The following CPNE4 variants were observed in gnomAD, a reference collection of about 807,000 sequenced individuals.
CPNE4 encodes the protein copine-4.
A neutral mutation model predicts 67.9 loss-of-function variants in CPNE4; 25 were observed. That is an observed-to-expected ratio of 0.37 (90% CI 0.27 to 0.51). The LOEUF is 0.51. CPNE4 is among the 20% of genes least tolerant of loss of function. CPNE4 has a pLI of 0.93. For synonymous variants in CPNE4, 242 were observed against 244.9 expected (o/e 0.99, Z 0.11); for missense variants, 464 against 690.8 (o/e 0.67, Z 3.68).
intron 11 of CPNE4, among the ~76,000 whole-genome samples, chr3:131,562,040 C>T (rs1361732029): frequency 6.6e-6 from 1 of 151,950 alleles, no homozygotes; most frequent in Non-Finnish European, 1.5e-5. Context: ...ATTTGATTTT[C>T]TTGGTCAGTT....
chr3:131,915,025 T>C (rs2089133310), intron 1 of CPNE4, among the ~76,000 whole-genome samples: 1 of 152,122 alleles, frequency 6.6e-6, no homozygotes, highest in South Asian at 2.1e-4. Context: ...CTACTAATAT[T>C]AACTACAGTA....
intron 7 of CPNE4, among the ~76,000 whole-genome samples, chr3:131,660,361 T>C (rs1354017614): frequency 6.6e-6 from 1 of 151,996 alleles, no homozygotes; most frequent in Non-Finnish European, 1.5e-5. Context: ...ATTAGCATCA[T>C]AGGCTTGACA....
At chr3:131,908,067 C>G (rs1417118941) in intron 1 of CPNE4, among the ~76,000 whole-genome samples, 1 of 152,056 alleles carries the variant, frequency 6.6e-6, no homozygotes, top group East Asian at 1.9e-4. Flanking sequence ...TATCAGCCAG[C>G]CCAAAGCTAT....
intron 2 of CPNE4, among the ~76,000 whole-genome samples, chr3:131,878,101 C>T (rs1347219675): frequency 6.6e-6 from 1 of 152,188 alleles, no homozygotes; most frequent in Non-Finnish European, 1.5e-5. Context: ...AACATAGTCT[C>T]GCCTATCACA....
rs79127364 is a variant in CPNE4 at position 131,999,241 on chromosome 3, TAA to T, written c.-2+35324_-2+35325del. Among the ~76,000 whole-genome samples, 482 of 98,802 alleles carry T rather than the reference TAA, an allele frequency of 4.9e-3. 15 individuals carry two copies. The highest frequency in any genetic ancestry group is 0.019 in the African/African-American group (351 of 18,678). 64.8% of individuals were successfully genotyped at this position (98,802 alleles called of 152,430 possible). On this transcript the variant is annotated intron_variant, in intron 1 of 15. Transcript: ENST00000429747. ...CTCAATTATAGGTATTTATCCAAGG[TAA>T]AAAAAAAAAAAAAAAAAAAAAGATA...
At chr3:131,981,839 C>G (rs2072916951) in intron 1 of CPNE4, among the ~76,000 whole-genome samples, 1 of 152,196 alleles carries the variant, frequency 6.6e-6, no homozygotes, top group African/African-American at 2.4e-5. Context: ...ACTTCTCCCA[C>G]AAACAGACCT....
intron 5 of CPNE4, among the ~76,000 whole-genome samples, chr3:131,693,254 C>T (rs2081070851): frequency 6.6e-6 from 1 of 152,038 alleles, no homozygotes. Flanking sequence ...CTTAAGACCC[C>T]TTTACATTCT....
intron 7 of CPNE4, among the ~76,000 whole-genome samples, chr3:131,641,251 T>G (rs2079532698): frequency 6.6e-6 from 1 of 152,074 alleles, no homozygotes; most frequent in African/African-American, 2.4e-5. Context: ...GAGAAAAATC[T>G]TCACAATCTA....
At chr3:131,745,092 T>C (rs1195566974) in intron 2 of CPNE4, among the ~76,000 whole-genome samples, 1 of 152,180 alleles carries the variant, frequency 6.6e-6, no homozygotes, top group Non-Finnish European at 1.5e-5. Flanking sequence ...TCCAACAGCA[T>C]TTGCTGTATC....
At chr3:131,914,039 C>A (rs2089086104) in intron 1 of CPNE4, among the ~76,000 whole-genome samples, 1 of 152,070 alleles carries the variant, frequency 6.6e-6, no homozygotes, top group Non-Finnish European at 1.5e-5. Context: ...ATATATCTTC[C>A]CAGCATTTAA....
At chr3:131,668,882 T>C (rs905928060) in intron 7 of CPNE4, among the ~76,000 whole-genome samples, 3 of 152,164 alleles carry the variant, frequency 2.0e-5, no homozygotes, top group Non-Finnish European at 4.4e-5. Context: ...GCCTTCGTGA[T>C]AGATCGAAAA....
intron 7 of CPNE4, among the ~76,000 whole-genome samples, chr3:131,608,616 C>T (rs766719209): frequency 2.0e-5 from 3 of 151,804 alleles, no homozygotes; most frequent in African/African-American, 4.8e-5. Flanking sequence ...AATCAACTGG[C>T]CTTAAGGAAA....
intron 2 of CPNE4, among the ~76,000 whole-genome samples, chr3:131,725,302 T>C (rs145486001): frequency 2.4e-4 from 37 of 152,274 alleles, no homozygotes; most frequent in Non-Finnish European, 4.3e-4. Flanking sequence ...TGAGAGAAAA[T>C]TGTCCTTTAA....
chr3:131,554,569 G>A (rs1212445208), intron 12 of CPNE4, among the ~76,000 whole-genome samples: 2 of 152,032 alleles, frequency 1.3e-5, no homozygotes, highest in Non-Finnish European at 2.9e-5. Flanking sequence ...GGAGACAAGC[G>A]ATTCCATCCA....
intron 1 of CPNE4, among the ~76,000 whole-genome samples, chr3:132,032,644 C>G (rs1173769538): frequency 6.6e-6 from 1 of 152,204 alleles, no homozygotes; most frequent in Non-Finnish European, 1.5e-5. Context: ...CTATTTTATG[C>G]ACCTCTCTAC....
At chr3:132,005,646 A>G (rs1216912524) in intron 1 of CPNE4, among the ~76,000 whole-genome samples, 3 of 151,954 alleles carry the variant, frequency 2.0e-5, no homozygotes, top group Admixed American at 2.0e-4. Flanking sequence ...GTCATTCCCC[A>G]GTATTTTCAG....
chr3:131,796,712 G>A (rs1237562324), intron 2 of CPNE4, among the ~76,000 whole-genome samples: 1 of 151,996 alleles, frequency 6.6e-6, no homozygotes, highest in Non-Finnish European at 1.5e-5. Flanking sequence ...GCTTCCCAAG[G>A]TGCTTCCGTT....
chr3:131,871,430 T>C (rs556930518), intron 2 of CPNE4, among the ~76,000 whole-genome samples: 12 of 152,134 alleles, frequency 7.9e-5, no homozygotes, highest in Admixed American at 2.0e-4. Context: ...CCGAGAATGC[T>C]CTTCAGAATG....
chr3:132,024,130 C>T (rs1254519687), intron 1 of CPNE4, among the ~76,000 whole-genome samples: 2 of 146,780 alleles, frequency 1.4e-5, no homozygotes, highest in Admixed American at 6.9e-5. Context: ...GTTGCCCAGG[C>T]TAGAGTGCTG....
Sources: gnomAD v4.1 joint callset for allele counts (sites outside exome capture counted in the v4.1 genomes callset) on GRCh38, gnomAD v4.1.1 for gene constraint, MANE v1.5 for transcripts, NCBI Gene and HGNC (gene_info 2026-07-23, HGNC 2026-07-21) for gene names.